Variants in BBS9 observed in about 807,000 individuals in gnomAD.
BBS9 encodes the protein Bardet-Biedl syndrome 9.
BBS9 carries 89 observed loss-of-function variants against 117.7 expected under a neutral mutation model. The observed-to-expected ratio is 0.76, with a 90% confidence interval of 0.64 to 0.90. The LOEUF (loss-of-function observed/expected upper bound fraction) is 0.90. BBS9 is among the 40% of genes least tolerant of loss of function. The pLI, the probability that BBS9 is intolerant of heterozygous loss-of-function variation, is 0.00. For synonymous variants in BBS9, 379 were observed against 370.9 expected, an observed-to-expected ratio of 1.02 and a Z score of -0.25; for missense variants, 982 against 1,042.2, an observed-to-expected ratio of 0.94 and a Z score of 0.80.
At position 33,588,488 on chromosome 7, in the gene BBS9, C is replaced by T. The variant is rs146675337; in HGVS notation, c.2522-16377C>T. Among the ~76,000 whole-genome samples the T allele has an allele frequency of 4.2e-3, 638 of 152,172 alleles. 1 individual carries two copies. Among genetic ancestry groups the T allele is most frequent in the African/African-American group, 0.014 (581 of 41,528 alleles). On this transcript the variant is annotated intron_variant, in intron 21 of 22. Transcript: ENST00000242067. ...TATCGTGTGCCTGTTGTGTGCCAAG[C>T]GCTGTTCCAAGACTTAGGATACTGT... is the stretch of plus-strand genomic sequence containing the variant.
intron 9 of BBS9, among the ~76,000 whole-genome samples, chr7:33,307,648 C>G (rs1224000056): frequency 6.6e-6 from 1 of 152,054 alleles, no homozygotes; most frequent in African/African-American, 2.4e-5. Context: ...TATTTAATGT[C>G]ATCTCTAGAT....
At chr7:33,272,917 T>G in intron 7 of BBS9, 95 bp from the exon 8 acceptor site, 1 of 1,230,756 alleles carries the variant, frequency 8.1e-7, no homozygotes, top group Non-Finnish European at 1.2e-6. Context: ...TATTTCTGCT[T>G]TGTTGTAAAG....
intron 20 of BBS9, among the ~76,000 whole-genome samples, chr7:33,511,188 G>A (rs1395460199): frequency 7.2e-5 from 11 of 152,256 alleles, no homozygotes; most frequent in Non-Finnish European, 1.6e-4. Context: ...CTGTCACTTA[G>A]AGTTGGTATG....
intron 5 of BBS9, among the ~76,000 whole-genome samples, chr7:33,244,766 T>G (rs1245739243): frequency 1.3e-5 from 2 of 152,136 alleles, no homozygotes; most frequent in Non-Finnish European, 2.9e-5. Context: ...AGTCACATAT[T>G]TAGGATGTGT....
At chr7:33,218,907 T>C (rs1789596148) in intron 5 of BBS9, among the ~76,000 whole-genome samples, 1 of 152,224 alleles carries the variant, frequency 6.6e-6, no homozygotes, top group Non-Finnish European at 1.5e-5. Context: ...ACCACTGCAC[T>C]GTGGGAGCCC....
At chr7:33,188,112 G>GTGTGTGTGTGTGTGTGTGTGT (rs373410318) in intron 5 of BBS9, among the ~76,000 whole-genome samples, 1 of 120,334 alleles carries the variant, frequency 8.3e-6, no homozygotes, top group Non-Finnish European at 1.8e-5. Context: ...GTGTGTGTGT[G>GTGTGTGTGTGTGTGTGTGTGT]GCGGGTGGGG....
chr7:33,257,503 T>C (rs1797279489), intron 6 of BBS9, 93 bp downstream of exon 6: 3 of 1,059,752 alleles, frequency 2.8e-6, no homozygotes, highest in Admixed American at 3.5e-5. Flanking sequence ...ATATCACAAA[T>C]GAAAAAGAGA....
intron 19 of BBS9, among the ~76,000 whole-genome samples, chr7:33,389,461 G>A (rs1162798400): frequency 6.6e-6 from 1 of 151,986 alleles, no homozygotes; most frequent in Non-Finnish European, 1.5e-5. Context: ...AGGCCTAGGC[G>A]GGCGGATCAC....
At chr7:33,366,424 TTC>T (rs35884414) in intron 16 of BBS9, among the ~76,000 whole-genome samples, 26,908 of 151,900 alleles carry the variant, frequency 0.18, 2,543 homozygotes, top group South Asian at 0.21. Flanking sequence ...ATAGCTGTCT[TTC>T]TCTCTCTCTA....
Position 33,623,309 on chromosome 7 carries a change from T to C in BBS9, c.2522-11868T>C, listed in dbSNP as rs1338347431. Among the ~76,000 whole-genome samples, 9 of 151,888 alleles carry C rather than the reference T, an allele frequency of 5.9e-5. No individual in the cohort carries two copies. In the East Asian group the frequency reaches 1.7e-3, roughly 29 times the overall value. On this transcript the variant is annotated intron_variant, in intron 21 of 21. Coordinates refer to the BBS9 transcript ENST00000671952. ...AAAAAAAACCTAATCTCATTAGTAA[T>C]TGAGGAAATGCAAATTAAAACACAA... is the stretch of plus-strand genomic sequence containing the variant.
intron 9 of BBS9, among the ~76,000 whole-genome samples, chr7:33,282,055 C>G (rs1354709354): frequency 6.6e-6 from 1 of 151,992 alleles, no homozygotes; most frequent in Non-Finnish European, 1.5e-5. Flanking sequence ...CCCAAGAGAT[C>G]CTCTTTCCTT....
chr7:33,387,659 T>TGTG (rs1826265831), intron 18 of BBS9, among the ~76,000 whole-genome samples: 1 of 152,194 alleles, frequency 6.6e-6, no homozygotes, highest in Non-Finnish European at 1.5e-5. Flanking sequence ...TGTCTAAACT[T>TGTG]TTAATCTCTG....
intron 21 of BBS9, among the ~76,000 whole-genome samples, chr7:33,540,391 G>T (rs1328438906): frequency 1.3e-5 from 2 of 152,210 alleles, no homozygotes; most frequent in Admixed American, 1.3e-4. Flanking sequence ...TAAGTTAGCA[G>T]AGGCAATAAA....
In BBS9 at chr7:33,155,843, C is replaced by T; in HGVS notation, c.328+141C>T. 5.4e-6 allele frequency: 3 copies of T among 558,872 alleles called. No homozygotes were observed. In the Admixed American group the frequency reaches 8.8e-5, roughly 16 times the overall value. The allele number at this position is 558,872 out of a possible 1,614,324, so 34.6% of individuals were successfully genotyped here. On this transcript the variant is annotated intron_variant, in intron 4 of 22. Coordinates refer to ENST00000242067, the MANE Select transcript of BBS9 (RefSeq NM_198428.3). Reference sequence around the variant, plus strand: ...GTTTTCTTGTCTTGGTTAACATTTTCCCATTTTTCATTTATTCTTTCAGAT... The same window carrying T: ...GTTTTCTTGTCTTGGTTAACATTTTTCCATTTTTCATTTATTCTTTCAGAT...
intron 21 of BBS9, among the ~76,000 whole-genome samples, chr7:33,582,513 G>C (rs192837395): frequency 6.6e-6 from 1 of 150,814 alleles, no homozygotes; most frequent in East Asian, 2.0e-4. Flanking sequence ...GTTATACCTT[G>C]TTTCTACAAT....
chr7:33,477,313 G>A (rs1334050648), intron 19 of BBS9, among the ~76,000 whole-genome samples: 1 of 152,110 alleles, frequency 6.6e-6, no homozygotes, highest in African/African-American at 2.4e-5. Flanking sequence ...TCACTTTGAA[G>A]AACTATAGCC....
At chr7:33,148,140 A>G (rs1351199447) in intron 2 of BBS9, among the ~76,000 whole-genome samples, 1 of 151,848 alleles carries the variant, frequency 6.6e-6, no homozygotes, top group East Asian at 1.9e-4. Flanking sequence ...AAAGTTAACA[A>G]GAGCAGTTTT....
chr7:33,153,684 C>G (rs1348712300), intron 3 of BBS9, among the ~76,000 whole-genome samples: 1 of 152,170 alleles, frequency 6.6e-6, no homozygotes, highest in Non-Finnish European at 1.5e-5. Context: ...ACCAAACAAC[C>G]ACTCATGAGC....
intron 21 of BBS9, among the ~76,000 whole-genome samples, chr7:33,539,320 A>G (rs903225588): frequency 1.3e-5 from 2 of 152,138 alleles, no homozygotes; most frequent in Non-Finnish European, 2.9e-5. Context: ...AGTGGCTCAG[A>G]GCCAGGTGAT....
Sources: gnomAD v4.1 joint callset for allele counts (sites outside exome capture counted in the v4.1 genomes callset) on GRCh38, gnomAD v4.1.1 for gene constraint, MANE v1.5 for transcripts, NCBI Gene and HGNC (gene_info 2026-07-23, HGNC 2026-07-21) for gene names.